The following MICU2 variants were observed in gnomAD, a reference collection of about 807,000 sequenced individuals.
MICU2 encodes the protein calcium uptake protein 2, mitochondrial.
MICU2 carries 64 observed loss-of-function variants against 60.4 expected under a neutral mutation model. The ratio of observed to expected loss-of-function variants is 1.06; its 90% CI spans 0.87 to 1.31. The LOEUF (loss-of-function observed/expected upper bound fraction) is 1.31, where lower values mean the gene tolerates loss of function less well. MICU2 is among the 50% of genes most tolerant of loss of function. The pLI is 0.00. For synonymous variants in MICU2, 201 were observed against 175.0 expected, an observed-to-expected ratio of 1.15 and a Z score of -1.17; for missense variants, 569 against 531.0, an observed-to-expected ratio of 1.07 and a Z score of -0.70.
intron 5 of MICU2, 66 bp downstream of exon 5, chr13:21,522,537 T>A (rs1433656756): frequency 2.3e-6 from 3 of 1,319,060 alleles, no homozygotes; most frequent in Non-Finnish European, 3.2e-6. Flanking sequence ...GCCAAACTTT[T>A]AAAATCCTGT....
At chr13:21,493,395 G>A (rs1246257548) in intron 11 of MICU2, 42 bp from the exon 12 acceptor site, 3 of 1,377,970 alleles carry the variant, frequency 2.2e-6, no homozygotes, top group Non-Finnish European at 3.0e-6. Context: ...TTGTCTTCAA[G>A]GTTAAACATG....
intron 6 of MICU2, among the ~76,000 whole-genome samples, chr13:21,518,562 G>GT (rs1886638627): frequency 6.6e-6 from 1 of 152,136 alleles, no homozygotes; most frequent in Non-Finnish European, 1.5e-5. Flanking sequence ...TGTGTACCTT[G>GT]TAACTCCCAA....
chr13:21,524,108 T>C (rs1886791504), intron 4 of MICU2, among the ~76,000 whole-genome samples: 1 of 152,184 alleles, frequency 6.6e-6, no homozygotes, highest in African/African-American at 2.4e-5. Flanking sequence ...GGCTTCCTGA[T>C]ATGCTAAAAA....
chr13:21,602,548 C>G (rs1256364728), intron 1 of MICU2, among the ~76,000 whole-genome samples: 1 of 151,652 alleles, frequency 6.6e-6, no homozygotes, highest in Non-Finnish European at 1.5e-5. Flanking sequence ...AAACAAAAAA[C>G]AAACAAAAAA....
chr13:21,600,648 A>G (rs1888792373), intron 1 of MICU2, among the ~76,000 whole-genome samples: 1 of 152,186 alleles, frequency 6.6e-6, no homozygotes. Context: ...ATGAAACTCT[A>G]CCCTTAATTC....
chr13:21,593,597 A>AAAAC (rs1261044719), intron 1 of MICU2, among the ~76,000 whole-genome samples: 1 of 150,216 alleles, frequency 6.7e-6, no homozygotes. Context: ...AAAAAAAACA[A>AAAAC]AGCTGGAGGC....
At chr13:21,567,070 T>C in intron 1 of MICU2, 126 bp from the exon 2 acceptor site, 1 of 774,734 alleles carries the variant, frequency 1.3e-6, no homozygotes, top group Non-Finnish European at 2.0e-6. Context: ...AAATCATTCA[T>C]TTAACAAATA....
intron 4 of MICU2, among the ~76,000 whole-genome samples, chr13:21,529,548 A>C (rs574620566): frequency 1.1e-4 from 16 of 152,338 alleles, no homozygotes; most frequent in Middle Eastern, 3.4e-3. Context: ...ATGAAGTGCC[A>C]ATGTTTAATA....
intron 4 of MICU2, among the ~76,000 whole-genome samples, chr13:21,530,368 T>A (rs1403999831): frequency 6.6e-6 from 1 of 152,112 alleles, no homozygotes; most frequent in African/African-American, 2.4e-5. Context: ...ATGAATATCC[T>A]CATAGACTTT....
chr13:21,501,932 T>G (rs1356882734), intron 9 of MICU2, among the ~76,000 whole-genome samples: 1 of 152,176 alleles, frequency 6.6e-6, no homozygotes, highest in Non-Finnish European at 1.5e-5. Flanking sequence ...AACTGCGGCA[T>G]GACTGAGCAA....
intron 1 of MICU2, among the ~76,000 whole-genome samples, chr13:21,569,769 C>A (rs1435370709): frequency 6.6e-6 from 1 of 151,204 alleles, no homozygotes; most frequent in East Asian, 1.9e-4. Flanking sequence ...CTTACTCAGT[C>A]TCCACAATGC....
chr13:21,499,662 G>T (rs376144536), intron 9 of MICU2, among the ~76,000 whole-genome samples: 1 of 151,882 alleles, frequency 6.6e-6, no homozygotes, highest in Non-Finnish European at 1.5e-5. Flanking sequence ...TGCCCGCCTC[G>T]GCCTCCCAAA....
At chr13:21,550,065 A>G (rs1455752040) in intron 2 of MICU2, among the ~76,000 whole-genome samples, 2 of 152,186 alleles carry the variant, frequency 1.3e-5, no homozygotes, top group African/African-American at 4.8e-5. Flanking sequence ...ATTACTACCA[A>G]CAATGATTGT....
chr13:21,505,260 CAGA>C (rs776490557), intron 8 of MICU2, among the ~76,000 whole-genome samples: 5 of 151,920 alleles, frequency 3.3e-5, no homozygotes, highest in Non-Finnish European at 5.9e-5. Flanking sequence ...AAAAGAAATG[CAGA>C]AGAAGAAAAA....
At chr13:21,595,038 T>C (rs1888662703) in intron 1 of MICU2, among the ~76,000 whole-genome samples, 1 of 152,086 alleles carries the variant, frequency 6.6e-6, no homozygotes, top group Admixed American at 6.5e-5. Flanking sequence ...AAAGACAAAA[T>C]TAGAAACTTT....
intron 9 of MICU2, among the ~76,000 whole-genome samples, chr13:21,497,841 TG>T (rs1390895245): frequency 6.6e-6 from 1 of 152,202 alleles, no homozygotes; most frequent in Admixed American, 6.5e-5. Context: ...CTTGAAATTC[TG>T]GGTTCAAGCT....
At chr13:21,589,516 T>A (rs537947061) in intron 1 of MICU2, among the ~76,000 whole-genome samples, 8 of 152,354 alleles carry the variant, frequency 5.3e-5, no homozygotes, top group African/African-American at 1.9e-4. Context: ...GTAGGGGTTG[T>A]TAGATATGAG....
intron 9 of MICU2, 22 bp from the exon 10 acceptor site, chr13:21,496,182 T>C (rs567332871): frequency 1.3e-6 from 2 of 1,554,428 alleles, no homozygotes; most frequent in African/African-American, 1.4e-5. Flanking sequence ...AGAGTTTTTA[T>C]TACAATTTTG....
chr13:21,493,380 G>T, intron 11 of MICU2, 27 bp from the exon 12 acceptor site: 2 of 1,494,954 alleles, frequency 1.3e-6, no homozygotes, highest in South Asian at 1.2e-5. Flanking sequence ...AAAATCAAGG[G>T]GTCATTGTCT....
Sources: allele counts gnomAD v4.1 joint callset (sites outside exome capture counted in the v4.1 genomes callset), GRCh38; gene constraint gnomAD v4.1.1; transcripts MANE v1.5; gene names NCBI Gene and HGNC (gene_info 2026-07-23, HGNC 2026-07-21).